SEC63: variants seen among roughly 807,000 people sequenced by gnomAD.
The protein encoded by SEC63 is SEC63 protein translocation regulator.
SEC63 carries 56 observed loss-of-function variants against 116.2 expected under a neutral mutation model. That is an observed-to-expected ratio of 0.48 (90% CI 0.39 to 0.60). The LOEUF is 0.60. SEC63 is among the 20% of genes least tolerant of loss of function. The pLI, the probability that SEC63 is intolerant of heterozygous loss-of-function variation, is 0.00. For synonymous variants in SEC63, 273 were observed against 294.6 expected (o/e 0.93, Z 0.75); for missense variants, 668 against 900.0 (o/e 0.74, Z 3.30).
At chr6:107,910,820 G>A (rs1787266802) in intron 7 of SEC63, among the ~76,000 whole-genome samples, 2 of 152,090 alleles carry the variant, frequency 1.3e-5, no homozygotes, top group South Asian at 4.2e-4. Context: ...CCAGGCTGGA[G>A]TGTAGTGGCA....
At chr6:107,918,245 CAAA>C (rs34044690) in intron 4 of SEC63, among the ~76,000 whole-genome samples, 1 of 147,070 alleles carries the variant, frequency 6.8e-6, no homozygotes, top group Non-Finnish European at 1.5e-5. Flanking sequence ...GAGACCTGCT[CAAA>C]AAAAAAAAAA....
chr6:107,892,421 G>C (rs1407103926), intron 16 of SEC63, among the ~76,000 whole-genome samples: 1 of 152,120 alleles, frequency 6.6e-6, no homozygotes, highest in Non-Finnish European at 1.5e-5. Flanking sequence ...ATTCAAGATA[G>C]GTTTATCAAC....
intron 1 of SEC63, among the ~76,000 whole-genome samples, chr6:107,944,860 C>T (rs193026579): frequency 2.0e-4 from 31 of 152,216 alleles, no homozygotes; most frequent in African/African-American, 6.7e-4. Context: ...TCTGCTGTAC[C>T]TGTACGGTCA....
chr6:107,922,030 A>G (rs1787570027), intron 3 of SEC63, 121 bp from the exon 4 acceptor site: 1 of 639,362 alleles, frequency 1.6e-6, no homozygotes, highest in Non-Finnish European at 2.8e-6. Context: ...TTTGAGAAAG[A>G]CAAAATCCAT....
intron 16 of SEC63, among the ~76,000 whole-genome samples, chr6:107,885,104 T>G (rs1708554057): frequency 1.3e-5 from 2 of 151,918 alleles, no homozygotes; most frequent in South Asian, 4.2e-4. Flanking sequence ...AGACCAAAAA[T>G]AAGACAAGGT....
At chr6:107,892,601 GAA>G (rs1183993556) in intron 16 of SEC63, among the ~76,000 whole-genome samples, 7 of 152,028 alleles carry the variant, frequency 4.6e-5, no homozygotes, top group African/African-American at 1.7e-4. Flanking sequence ...ATAAACATTA[GAA>G]GCTACCAATA....
chr6:107,909,069 G>A (rs1295811354), intron 7 of SEC63, 34 bp from the exon 8 acceptor site: 1 of 1,448,030 alleles, frequency 6.9e-7, no homozygotes. Context: ...AAGAAAGAAA[G>A]TATAAAAACT....
intron 1 of SEC63, among the ~76,000 whole-genome samples, chr6:107,953,239 G>A (rs552916113): frequency 6.6e-6 from 1 of 152,390 alleles, no homozygotes; most frequent in East Asian, 1.9e-4. Context: ...CAGCCTGGGT[G>A]ACAGAGCAAG....
At chr6:107,951,601 T>C (rs997640130) in intron 1 of SEC63, among the ~76,000 whole-genome samples, 2 of 152,168 alleles carry the variant, frequency 1.3e-5, no homozygotes, top group African/African-American at 2.4e-5. Context: ...TAGAATCATA[T>C]AGGGATATTT....
chr6:107,938,744 T>C (rs1332353771), intron 1 of SEC63, among the ~76,000 whole-genome samples: 1 of 150,812 alleles, frequency 6.6e-6, no homozygotes, highest in African/African-American at 2.5e-5. Flanking sequence ...TTAGTAGAGA[T>C]GGGGTTTCCG....
At position 107,932,720 on chromosome 6, in the gene SEC63, T is replaced by G. The variant is rs190308206; in HGVS notation, c.125-3206A>C. ...AAATACAAATGCAGTTCTAAATACA[T>G]ATATACATACTCCCTAGCTCTATCT... On this transcript the variant is annotated intron_variant, in intron 1 of 20. Coordinates refer to ENST00000369002, the MANE Select transcript of SEC63 (RefSeq NM_007214.5). Among the ~76,000 whole-genome samples, 5 of 152,222 alleles carry G rather than the reference T, an allele frequency of 3.3e-5. No individual in the cohort carries two copies. The East Asian group carries it at 7.7e-4, about 23-fold the overall frequency.
chr6:107,919,862 T>A (rs1260871692), intron 4 of SEC63, among the ~76,000 whole-genome samples: 1 of 151,854 alleles, frequency 6.6e-6, no homozygotes, highest in East Asian at 1.9e-4. Flanking sequence ...GTTCTGTCCA[T>A]AAAATACTAT....
At position 107,894,508 on chromosome 6, in the gene SEC63, T is replaced by C. The variant is rs1334891702; in HGVS notation, c.1441-611A>G. Among the ~76,000 whole-genome samples, 4 of 8,010 alleles carry C rather than the reference T, an allele frequency of 5.0e-4. No individual in the cohort carries two copies. The African/African-American group carries it at 5.2e-3, about 10-fold the overall frequency. 5.3% of individuals were successfully genotyped at this position (8,010 alleles called of 152,430 possible). ...GGGCAACAGAGCGAGACCCCATATC[T>C]ATAAAAAAAAAACACCATGAAAATC... On this transcript the variant is annotated intron_variant, in intron 14 of 20. Coordinates refer to ENST00000369002, the MANE Select transcript of SEC63 (RefSeq NM_007214.5).
In SEC63 at chr6:107,901,417, G is replaced by T; in HGVS notation, c.1310C>A (p.Ala437Asp). ...CACATATGGAAAACTCCCAAGGACA[G>T]CCATAACCTCTTCATATTTTTCATC... The part of the protein sequence containing the change: ...LEDEKYEEVM[A>D]VLGSFPYVTM... The change falls in exon 13 of 21, where the codon GCT becomes GAT. Residue 437 changes from alanine (A) to aspartate (D), a missense_variant. Around this residue, in one of 5 missense-constraint regions of SEC63, gnomAD observed 430 missense variants for 557.5 expected, o/e 0.77. Transcript: ENST00000369002. The T allele has an allele frequency of 6.2e-7, 1 of 1,613,230 alleles. No homozygotes were observed. The highest frequency in any genetic ancestry group is 8.5e-7 in the Non-Finnish European group (1 of 1,179,520).
chr6:107,911,597 C>T (rs1417739092), intron 6 of SEC63, among the ~76,000 whole-genome samples: 1 of 152,204 alleles, frequency 6.6e-6, no homozygotes, highest in East Asian at 1.9e-4. Flanking sequence ...CTGCAGTACA[C>T]ATGGGTTACA....
intron 1 of SEC63, among the ~76,000 whole-genome samples, chr6:107,942,022 C>T (rs188691828): frequency 1.3e-4 from 20 of 152,268 alleles, no homozygotes; most frequent in African/African-American, 4.1e-4. Flanking sequence ...AACATTTCCC[C>T]GTGTTTAGAT....
At chr6:107,934,630 A>G (rs1770152850) in intron 1 of SEC63, among the ~76,000 whole-genome samples, 1 of 140,574 alleles carries the variant, frequency 7.1e-6, no homozygotes, top group Non-Finnish European at 1.5e-5. Flanking sequence ...GGTGGGGGTC[A>G]GCCCCCCGCC....
chr6:107,953,990 G>A (rs1770647820), intron 1 of SEC63, among the ~76,000 whole-genome samples: 1 of 152,200 alleles, frequency 6.6e-6, no homozygotes. Flanking sequence ...TTGAGAACGG[G>A]CCATGATGAC....
chr6:107,896,687 G>A (rs1432816582), intron 14 of SEC63, among the ~76,000 whole-genome samples: 1 of 152,084 alleles, frequency 6.6e-6, no homozygotes, highest in Non-Finnish European at 1.5e-5. Context: ...TAAAGAAAAT[G>A]AGAGAGACGG....
Sources: gnomAD v4.1 joint callset for allele counts (sites outside exome capture counted in the v4.1 genomes callset) on GRCh38, gnomAD v4.1.1 for gene constraint, gnomAD v4.1.1 regional missense constraint, MANE v1.5 for transcripts, NCBI Gene and HGNC (gene_info 2026-07-23, HGNC 2026-07-21) for gene names.